VAV3: variants seen among roughly 807,000 people sequenced by gnomAD.
VAV3 encodes guanine nucleotide exchange factor VAV3.
A neutral mutation model predicts 131.2 loss-of-function variants in VAV3; 94 were observed. The observed-to-expected ratio is 0.72, with a 90% CI of 0.61 to 0.85. The LOEUF (loss-of-function observed/expected upper bound fraction) is 0.85. Ranked by LOEUF, VAV3 falls within the 40% of genes least tolerant of loss-of-function variation. The pLI, the probability that VAV3 is intolerant of heterozygous loss-of-function variation, is 0.00. For synonymous variants in VAV3, 349 were observed against 342.0 expected (o/e 1.02, Z -0.22); for missense variants, 939 against 1,002.7 (o/e 0.94, Z 0.86).
intron 19 of VAV3, among the ~76,000 whole-genome samples, chr1:107,678,420 C>T (rs190477867): frequency 4.1e-4 from 63 of 152,078 alleles, no homozygotes; most frequent in Non-Finnish European, 7.4e-4. Flanking sequence ...TAGACAAAAG[C>T]TCATTTACTA....
chr1:107,584,616 T>C (rs529388425), intron 25 of VAV3, among the ~76,000 whole-genome samples: 1 of 152,256 alleles, frequency 6.6e-6, no homozygotes, highest in Non-Finnish European at 1.5e-5. Context: ...CTAGGAATAA[T>C]TTAGATTAAT....
At chr1:107,881,070 A>C (rs936683308) in intron 1 of VAV3, among the ~76,000 whole-genome samples, 1 of 152,196 alleles carries the variant, frequency 6.6e-6, no homozygotes, top group Non-Finnish European at 1.5e-5. Flanking sequence ...TTCTGGCTAC[A>C]GGGCCCATAT....
intron 17 of VAV3, among the ~76,000 whole-genome samples, chr1:107,697,710 ATG>A (rs1659833760): frequency 6.6e-6 from 1 of 152,122 alleles, no homozygotes. Flanking sequence ...CTAGAACTGA[ATG>A]TGTCTTAAGT....
At chr1:107,880,926 C>T (rs778653137) in intron 1 of VAV3, among the ~76,000 whole-genome samples, 60 of 152,222 alleles carry the variant, frequency 3.9e-4, no homozygotes, top group Non-Finnish European at 7.8e-4. Flanking sequence ...AATGTTTATG[C>T]CATTCAATCC....
At chr1:107,736,034 G>T (rs530831735) in intron 15 of VAV3, among the ~76,000 whole-genome samples, 25 of 152,120 alleles carry the variant, frequency 1.6e-4, no homozygotes, top group African/African-American at 5.1e-4. Context: ...TCATCCCTGG[G>T]ATGCAAGGCT....
chr1:107,637,295 G>A (rs573347279), intron 20 of VAV3, among the ~76,000 whole-genome samples: 118 of 152,150 alleles, frequency 7.8e-4, no homozygotes, highest in African/African-American at 2.6e-3. Flanking sequence ...CAAGTAACCT[G>A]AATAGCCATA....
chr1:107,905,184 A>T (rs1160701937), intron 1 of VAV3, among the ~76,000 whole-genome samples: 1 of 152,188 alleles, frequency 6.6e-6, no homozygotes, highest in African/African-American at 2.4e-5. Context: ...ACCTTTGTGT[A>T]TTGCACAACC....
At chr1:107,613,318 T>G (rs1165280454) in intron 21 of VAV3, among the ~76,000 whole-genome samples, 1 of 152,102 alleles carries the variant, frequency 6.6e-6, no homozygotes, top group Non-Finnish European at 1.5e-5. Context: ...AATATTGCTT[T>G]TCTACAATTA....
chr1:107,880,520 A>G (rs345289), intron 1 of VAV3, among the ~76,000 whole-genome samples: 119,935 of 152,100 alleles, frequency 0.79, 47,700 homozygotes, highest in African/African-American at 0.89. Context: ...TGGAGGCCAG[A>G]TGCGGTGGCT....
intron 2 of VAV3, among the ~76,000 whole-genome samples, chr1:107,840,546 T>C (rs1222133758): frequency 6.6e-6 from 1 of 152,192 alleles, no homozygotes; most frequent in Non-Finnish European, 1.5e-5. Context: ...GGGTCTTGCT[T>C]TGATGACATT....
intron 2 of VAV3, among the ~76,000 whole-genome samples, chr1:107,852,656 T>G (rs10159434): frequency 0.32 from 48,889 of 152,052 alleles, 8,118 homozygotes; most frequent in African/African-American, 0.38. Flanking sequence ...TATTGAATGG[T>G]TGTTAGTTTT....
At chr1:107,734,983 A>C (rs1362888678) in intron 15 of VAV3, among the ~76,000 whole-genome samples, 1 of 152,236 alleles carries the variant, frequency 6.6e-6, no homozygotes, top group Non-Finnish European at 1.5e-5. Context: ...CAAATGTAAA[A>C]GAACAGAAAT....
chr1:107,714,649 G>C (rs1303383534), intron 15 of VAV3, among the ~76,000 whole-genome samples: 2 of 151,684 alleles, frequency 1.3e-5, no homozygotes, highest in Non-Finnish European at 2.9e-5. Flanking sequence ...TAACACCATA[G>C]CATACTAATT....
At chr1:107,617,263 G>T (rs1653227440) in intron 21 of VAV3, among the ~76,000 whole-genome samples, 1 of 152,116 alleles carries the variant, frequency 6.6e-6, no homozygotes. Flanking sequence ...CAGTTCAGTG[G>T]GAAAGGGGAA....
At chr1:107,675,971 T>C (rs1398473846) in intron 19 of VAV3, among the ~76,000 whole-genome samples, 3 of 152,300 alleles carry the variant, frequency 2.0e-5, no homozygotes, top group Non-Finnish European at 2.9e-5. Flanking sequence ...ATCAACCATT[T>C]TGGATACCAG....
chr1:107,871,477 C>T (rs1173961980), intron 2 of VAV3, among the ~76,000 whole-genome samples: 1 of 151,176 alleles, frequency 6.6e-6, no homozygotes, highest in Non-Finnish European at 1.5e-5. Context: ...GTTCAAGTTA[C>T]TAAACTCACT....
chr1:107,672,733 C>T (rs1004977120), intron 19 of VAV3, among the ~76,000 whole-genome samples: 1 of 151,918 alleles, frequency 6.6e-6, no homozygotes, highest in Non-Finnish European at 1.5e-5. Flanking sequence ...AGATAATTCT[C>T]AGAAAAAAAT....
At chr1:107,722,898 C>A (rs1326416708) in intron 15 of VAV3, among the ~76,000 whole-genome samples, 1 of 134,326 alleles carries the variant, frequency 7.4e-6, no homozygotes, top group Non-Finnish European at 1.5e-5. Flanking sequence ...TCATAGTGAC[C>A]TTTCCCACTG....
At chr1:107,728,600 C>CGTATATGTATAT (rs55725323) in intron 15 of VAV3, among the ~76,000 whole-genome samples, 21,863 of 136,548 alleles carry the variant, frequency 0.16, 2,001 homozygotes, top group Non-Finnish European at 0.19. Flanking sequence ...TATACGTATA[C>CGTATATGTATAT]GTATATGTAT....
Sources: allele counts gnomAD v4.1 joint callset (sites outside exome capture counted in the v4.1 genomes callset), GRCh38; gene constraint gnomAD v4.1.1; transcripts MANE v1.5; gene names NCBI Gene and HGNC (gene_info 2026-07-23, HGNC 2026-07-21).